Variants in MBD5 observed in about 807,000 individuals in gnomAD.
MBD5 encodes the protein methyl-CpG-binding domain protein 5.
A neutral mutation model predicts 117.3 loss-of-function variants in MBD5; 13 were observed. That is an observed-to-expected ratio of 0.11 (90% CI 0.07 to 0.18). MBD5 has a LOEUF of 0.18. Ranked by LOEUF, MBD5 falls within the 10% of genes least tolerant of loss-of-function variation. MBD5 has a pLI of 1.00. For synonymous variants in MBD5, 727 were observed against 766.4 expected, an observed-to-expected ratio of 0.95 and a Z score of 0.85; for missense variants, 1,879 against 2,093.8, an observed-to-expected ratio of 0.90 and a Z score of 2.00.
intron 1 of MBD5, among the ~76,000 whole-genome samples, chr2:148,089,730 A>C (rs1209801464): frequency 6.6e-6 from 1 of 152,152 alleles, no homozygotes; most frequent in African/African-American, 2.4e-5. Context: ...AAATGCCTAC[A>C]TGAAAAACTC....
intron 4 of MBD5, among the ~76,000 whole-genome samples, chr2:148,455,695 A>G (rs376413411): frequency 6.6e-6 from 1 of 152,118 alleles, no homozygotes; most frequent in Non-Finnish European, 1.5e-5. Context: ...CAGATCCACA[A>G]ATTACTTAAT....
At chr2:148,446,275 G>A (rs918305069) in intron 4 of MBD5, among the ~76,000 whole-genome samples, 2 of 152,016 alleles carry the variant, frequency 1.3e-5, no homozygotes, top group African/African-American at 4.8e-5. Context: ...GGTCTAACAT[G>A]TAAGTCTTTA....
At chr2:148,100,356 C>T (rs948518634) in intron 1 of MBD5, among the ~76,000 whole-genome samples, 17 of 152,320 alleles carry the variant, frequency 1.1e-4, no homozygotes, top group African/African-American at 4.1e-4. Flanking sequence ...GTTCAAACCT[C>T]TATTTATAGC....
intron 2 of MBD5, among the ~76,000 whole-genome samples, chr2:148,231,073 C>A (rs896478727): frequency 6.6e-6 from 1 of 152,072 alleles, no homozygotes; most frequent in Non-Finnish European, 1.5e-5. Context: ...AGTCACATAC[C>A]CCCCTCCTCC....
At chr2:148,180,345 T>TATATATATATATAC (rs1322289996) in intron 2 of MBD5, among the ~76,000 whole-genome samples, 1 of 124,074 alleles carries the variant, frequency 8.1e-6, no homozygotes, top group East Asian at 2.3e-4. Flanking sequence ...AAATTATACA[T>TATATATATATATAC]ATATATATAT....
intron 3 of MBD5, among the ~76,000 whole-genome samples, chr2:148,237,888 A>G (rs1014083566): frequency 7.9e-5 from 12 of 152,290 alleles, no homozygotes; most frequent in African/African-American, 2.9e-4. Flanking sequence ...CTGTGTGACC[A>G]TGGGCAAATT....
intron 3 of MBD5, among the ~76,000 whole-genome samples, chr2:148,271,914 C>T (rs925646229): frequency 3.3e-5 from 5 of 152,176 alleles, no homozygotes; most frequent in Non-Finnish European, 7.3e-5. Flanking sequence ...AGCTGAAATT[C>T]TGTACCCATC....
intron 4 of MBD5, among the ~76,000 whole-genome samples, chr2:148,372,539 T>C (rs1574346713): frequency 6.6e-6 from 1 of 152,080 alleles, no homozygotes; most frequent in African/African-American, 2.4e-5. Context: ...TTCATCCTTA[T>C]GTAAAGGACA....
chr2:148,054,431 G>A (rs1246042986), intron 1 of MBD5: 1 of 152,136 alleles, frequency 6.6e-6, no homozygotes, highest in Admixed American at 6.6e-5. Context: ...CGCAGATATA[G>A]AACATTTCTT....
chr2:148,263,340 G>A (rs181799818), intron 3 of MBD5, among the ~76,000 whole-genome samples: 1 of 152,132 alleles, frequency 6.6e-6, no homozygotes, highest in African/African-American at 2.4e-5. Context: ...ACACAGTTGT[G>A]GTGTGTGCAT....
intron 1 of MBD5, among the ~76,000 whole-genome samples, chr2:148,023,783 A>AT (rs1326057096): frequency 6.6e-6 from 1 of 150,922 alleles, no homozygotes; most frequent in East Asian, 1.9e-4. Context: ...TTTTTTAAAC[A>AT]TTTTTTTATC....
At chr2:148,041,698 A>C (rs910222102) in intron 1 of MBD5, among the ~76,000 whole-genome samples, 1 of 152,174 alleles carries the variant, frequency 6.6e-6, no homozygotes, top group Non-Finnish European at 1.5e-5. Flanking sequence ...ATTCTAAAGC[A>C]AGTAAGATGA....
intron 8 of MBD5, among the ~76,000 whole-genome samples, chr2:148,474,379 C>A (rs559607578): frequency 2.6e-5 from 4 of 152,120 alleles, no homozygotes; most frequent in Non-Finnish European, 5.9e-5. Flanking sequence ...CAGTTTTTCA[C>A]GATTTTCAAA....
At chr2:148,480,075 A>C (rs1197332719) in intron 8 of MBD5, among the ~76,000 whole-genome samples, 1 of 151,936 alleles carries the variant, frequency 6.6e-6, no homozygotes, top group Admixed American at 6.6e-5. Flanking sequence ...TCATGGTTCT[A>C]TTCTATTGTC....
intron 3 of MBD5, among the ~76,000 whole-genome samples, chr2:148,286,485 T>C (rs1285527127): frequency 6.6e-6 from 1 of 152,192 alleles, no homozygotes; most frequent in Non-Finnish European, 1.5e-5. Flanking sequence ...AGGTAAGCTG[T>C]AATCACTTTC....
chr2:148,461,444 A>T (rs140890961), intron 5 of MBD5, among the ~76,000 whole-genome samples: 1 of 152,204 alleles, frequency 6.6e-6, no homozygotes, highest in Non-Finnish European at 1.5e-5. Flanking sequence ...ATAAAATATG[A>T]ATTGCATTTT....
chr2:148,174,445 A>C (rs1330397528), intron 1 of MBD5, among the ~76,000 whole-genome samples: 1 of 152,170 alleles, frequency 6.6e-6, no homozygotes, highest in Non-Finnish European at 1.5e-5. Flanking sequence ...AAACAAAAAT[A>C]GATAAAGGGG....
rs965439037 is a variant in MBD5 at position 148,021,481 on chromosome 2, T to C, written c.-1128T>C. 121 of 573,498 alleles carry C rather than the reference T, an allele frequency of 2.1e-4. 3 individuals carry two copies. The highest frequency in any genetic ancestry group is 1.1e-3 in the East Asian group (25 of 22,130). 35.5% of individuals were successfully genotyped at this position (573,498 alleles called of 1,614,324 possible). A position where few individuals can be genotyped will look rare whatever the true frequency, so the allele number is the denominator to read the frequency against. ...GCTGCTGTTGCTGCTGCTGCTGCTG[T>C]TGCTGCTGCTGCTGCTACTGCTGCT... On this transcript the variant is annotated 5_prime_UTR_variant, in exon 1 of 14. Coordinates refer to ENST00000642680, the MANE Select transcript of MBD5 (RefSeq NM_001378120.1).
intron 1 of MBD5, among the ~76,000 whole-genome samples, chr2:148,172,867 C>T (rs1558958071): frequency 6.6e-6 from 1 of 152,130 alleles, no homozygotes; most frequent in African/African-American, 2.4e-5. Context: ...CTCTTAATTA[C>T]CAGCCTGCAG....
Sources: allele counts gnomAD v4.1 joint callset (sites outside exome capture counted in the v4.1 genomes callset), GRCh38; gene constraint gnomAD v4.1.1; transcripts MANE v1.5; gene names NCBI Gene and HGNC (gene_info 2026-07-23, HGNC 2026-07-21).